Variants in PCDH9 observed in about 807,000 individuals in gnomAD.
The protein encoded by PCDH9 is protocadherin-9.
PCDH9 carries 24 observed loss-of-function variants against 70.6 expected under a neutral mutation model. That is an observed-to-expected ratio of 0.34 (90% CI 0.25 to 0.48). PCDH9 has a LOEUF of 0.48. PCDH9 is among the 20% of genes least tolerant of loss of function. PCDH9 has a pLI of 0.99. For missense variants in PCDH9, 1,281 were observed against 1,503.6 expected, an observed-to-expected ratio of 0.85 and a Z score of 2.45; for synonymous variants, 562 against 558.5, an observed-to-expected ratio of 1.01 and a Z score of -0.09.
At chr13:66,589,765 C>A (rs958009986) in intron 4 of PCDH9, among the ~76,000 whole-genome samples, 5 of 151,746 alleles carry the variant, frequency 3.3e-5, no homozygotes, top group African/African-American at 9.7e-5. Flanking sequence ...GTTTTATATT[C>A]CAAATAATAC....
At chr13:67,005,094 G>A (rs1463983071) in intron 2 of PCDH9, among the ~76,000 whole-genome samples, 1 of 148,268 alleles carries the variant, frequency 6.7e-6, no homozygotes, top group Non-Finnish European at 1.5e-5. Flanking sequence ...TGTTCCAAGT[G>A]TTTTCTATTA....
intron 2 of PCDH9, among the ~76,000 whole-genome samples, chr13:67,034,693 T>C (rs1005214235): frequency 6.6e-6 from 1 of 152,038 alleles, no homozygotes; most frequent in African/African-American, 2.4e-5. Flanking sequence ...TTTTAACTTT[T>C]AGTTCCAGGG....
At chr13:66,448,394 CTAAT>C (rs2138421061) in intron 4 of PCDH9, among the ~76,000 whole-genome samples, 2 of 152,220 alleles carry the variant, frequency 1.3e-5, no homozygotes, top group South Asian at 4.2e-4. Context: ...GGGCCAGGCC[CTAAT>C]TAGAGTACTG....
intron 4 of PCDH9, among the ~76,000 whole-genome samples, chr13:66,367,814 G>T (rs1245969315): frequency 1.3e-5 from 2 of 151,866 alleles, no homozygotes; most frequent in Non-Finnish European, 2.9e-5. Context: ...CTTTGAAGAG[G>T]ATGTGATGAA....
intron 4 of PCDH9, among the ~76,000 whole-genome samples, chr13:66,525,788 T>C (rs1010524146): frequency 1.9e-4 from 29 of 152,146 alleles, no homozygotes; most frequent in African/African-American, 7.0e-4. Context: ...AGAATCAGCG[T>C]GGCCAAAATG....
intron 4 of PCDH9, among the ~76,000 whole-genome samples, chr13:66,508,355 G>A (rs1959284294): frequency 6.6e-6 from 1 of 152,132 alleles, no homozygotes; most frequent in Non-Finnish European, 1.5e-5. Context: ...GCGCAACATT[G>A]TTAATGTACT....
rs367662481 is a variant in PCDH9, at chr13:66,898,649, G to A, written c.3138+4855C>T. On this transcript the variant is annotated intron_variant, in intron 3 of 4. Coordinates refer to ENST00000377865, the MANE Select transcript of PCDH9 (RefSeq NM_203487.3). ...AATAACAGGAAAATAAAGGTGTGTC[G>A]TATAATATTCATACACTAAATCAGA... Among the ~76,000 whole-genome samples the A allele has an allele frequency of 4.4e-4, 67 of 151,886 alleles. 1 individual carries two copies. The East Asian group carries it at 7.3e-3, about 17-fold the overall frequency.
At chr13:67,212,693 A>C (rs539692427) in intron 2 of PCDH9, 4 of 152,288 alleles carry the variant, frequency 2.6e-5, no homozygotes, top group African/African-American at 7.2e-5. Context: ...GGGAAAATAG[A>C]ATATCGTTCA....
At chr13:66,865,883 T>A (rs2081565953) in intron 3 of PCDH9, among the ~76,000 whole-genome samples, 1 of 152,234 alleles carries the variant, frequency 6.6e-6, no homozygotes, top group East Asian at 1.9e-4. Flanking sequence ...ACAAATAATT[T>A]GAATGAGAAA....
intron 2 of PCDH9, among the ~76,000 whole-genome samples, chr13:67,129,398 G>A (rs567014254): frequency 1.8e-4 from 27 of 151,790 alleles, no homozygotes; most frequent in Non-Finnish European, 2.8e-4. Flanking sequence ...TAAAAAATAC[G>A]TGTGTGTGTG....
chr13:66,393,818 T>G (rs906652033), intron 4 of PCDH9, among the ~76,000 whole-genome samples: 3 of 152,312 alleles, frequency 2.0e-5, no homozygotes, highest in Non-Finnish European at 4.4e-5. Context: ...ATGACAGGAC[T>G]GAAGTTCATT....
intron 3 of PCDH9, among the ~76,000 whole-genome samples, chr13:66,794,382 CTTAGGTTTGAAGAA>C (rs984058424): frequency 2.0e-5 from 3 of 152,104 alleles, no homozygotes; most frequent in African/African-American, 4.8e-5. Flanking sequence ...TTTTCAGTTA[CTTAGGTTTGAAGAA>C]TTAGCTCCAC....
At chr13:66,503,313 G>T (rs1959186683) in intron 4 of PCDH9, among the ~76,000 whole-genome samples, 1 of 152,116 alleles carries the variant, frequency 6.6e-6, no homozygotes, top group Non-Finnish European at 1.5e-5. Flanking sequence ...TCAGTGTTGG[G>T]GGATGAGAGG....
At chr13:67,104,921 T>C (rs1440613755) in intron 2 of PCDH9, among the ~76,000 whole-genome samples, 1 of 152,188 alleles carries the variant, frequency 6.6e-6, no homozygotes, top group Non-Finnish European at 1.5e-5. Context: ...TTAAATCAGT[T>C]CCACTTCACT....
At chr13:67,178,189 T>C (rs571419705) in intron 2 of PCDH9, among the ~76,000 whole-genome samples, 2 of 152,166 alleles carry the variant, frequency 1.3e-5, no homozygotes, top group East Asian at 3.9e-4. Context: ...CCTATCTGTA[T>C]ACCAAGAGAG....
chr13:66,565,534 G>T (rs1387934865), intron 4 of PCDH9, among the ~76,000 whole-genome samples: 1 of 152,134 alleles, frequency 6.6e-6, no homozygotes, highest in African/African-American at 2.4e-5. Context: ...TACAGAGAAA[G>T]CTTGAAATTT....
chr13:66,890,197 T>C (rs1238294927), intron 3 of PCDH9, among the ~76,000 whole-genome samples: 1 of 152,170 alleles, frequency 6.6e-6, no homozygotes, highest in Non-Finnish European at 1.5e-5. Flanking sequence ...CTTACTTTTC[T>C]CTTCCTGCAT....
At chr13:67,211,417 T>C (rs949764476) in intron 2 of PCDH9, 2 of 152,066 alleles carry the variant, frequency 1.3e-5, no homozygotes, top group African/African-American at 4.8e-5. Context: ...TCCTAAAATA[T>C]GTTTGTACAA....
intron 2 of PCDH9, among the ~76,000 whole-genome samples, chr13:66,995,280 A>G (rs1373751953): frequency 2.6e-5 from 4 of 152,210 alleles, no homozygotes; most frequent in Non-Finnish European, 4.4e-5. Flanking sequence ...AGGCTGAAGC[A>G]TAAGACACGG....
Sources: allele counts gnomAD v4.1 joint callset (sites outside exome capture counted in the v4.1 genomes callset), GRCh38; gene constraint gnomAD v4.1.1; transcripts MANE v1.5; gene names NCBI Gene and HGNC (gene_info 2026-07-23, HGNC 2026-07-21).